Variants in APBB2 observed in about 807,000 individuals in gnomAD.
The protein encoded by APBB2 is amyloid beta precursor protein binding family B member 2, also known as Fe65-like 1.
In APBB2, 38 loss-of-function variants were observed where a neutral mutation model predicts 82.5. The observed-to-expected ratio is 0.46, with a 90% CI of 0.36 to 0.60. APBB2 has a LOEUF of 0.60. Ranked by LOEUF, APBB2 falls within the 20% of genes least tolerant of loss-of-function variation. APBB2 has a pLI of 0.00. For missense variants in APBB2, 772 were observed against 972.3 expected (o/e 0.79, Z 2.74); for synonymous variants, 341 against 368.2 (o/e 0.93, Z 0.85).
At position 41,198,076 on chromosome 4, in the gene APBB2, A is replaced by C; in HGVS notation, c.-417+16329T>G. On this transcript the variant is annotated intron_variant, in intron 1 of 17. Coordinates refer to ENST00000508593, the MANE Select transcript of APBB2 (RefSeq NM_004307.2). ...CCATTTTGCAGATGTGGAGGTAGAG[A>C]AATAATTCAAAAATTCTATCACTCC... is the stretch of plus-strand genomic sequence containing the variant. 8.8e-3 allele frequency among the ~76,000 whole-genome samples: 1,345 copies of C among 152,316 alleles called. 18 individuals carry two copies. Among genetic ancestry groups the C allele is most frequent in the African/African-American group, 0.03 (1,257 of 41,552 alleles).
intron 1 of APBB2, among the ~76,000 whole-genome samples, chr4:41,148,808 T>A (rs1761473583): frequency 6.6e-6 from 1 of 152,216 alleles, no homozygotes; most frequent in East Asian, 1.9e-4. Flanking sequence ...ATGTATCAGG[T>A]ACCATTCTAG....
Position 41,159,961 on chromosome 4 carries a change from G to GAGAAGAAGAAGAAGAAGAAGA in APBB2, c.-416-16840_-416-16820dup, listed in dbSNP as rs1161043741. ...GGAGGAGGAGAAGGAGAAGGAGAAG[G>GAGAAGAAGAAGAAGAAGAAGA]AGAAGAAGAAGAAGAAGAAGAAGAA... On this transcript the variant is annotated intron_variant, in intron 1 of 17. Coordinates refer to ENST00000508593, the MANE Select transcript of APBB2 (RefSeq NM_004307.2). Among the ~76,000 whole-genome samples the GAGAAGAAGAAGAAGAAGAAGA allele has an allele frequency of 3.6e-3, 115 of 31,988 alleles. 7 individuals are homozygous for GAGAAGAAGAAGAAGAAGAAGA. The highest frequency in any genetic ancestry group is 7.1e-3 in the South Asian group (4 of 564). 21.0% of individuals were successfully genotyped at this position (31,988 alleles called of 152,430 possible).
At position 40,826,098 on chromosome 4, in the gene APBB2, T is replaced by C; in HGVS notation, c.1733-128A>G. The C allele has an allele frequency of 1.4e-6, 1 of 720,374 alleles. No individual in the cohort carries two copies. 44.6% of individuals were successfully genotyped at this position (720,374 alleles called of 1,614,324 possible). A position where few individuals can be genotyped will look rare whatever the true frequency, so the allele number is the denominator to read the frequency against. ...CCATAACGCCCTATGTTTCTGGATG[T>C]AAATGTAACAACTATTCTACAAGAG... On this transcript the variant is annotated intron_variant, in intron 14 of 17. Transcript: ENST00000508593. The surrounding 1 kb of genome is among the most constrained non-coding windows in gnomAD (Gnocchi z 4.5).
chr4:41,198,999 AC>A (rs1561016926), intron 1 of APBB2, among the ~76,000 whole-genome samples: 2 of 152,304 alleles, frequency 1.3e-5, no homozygotes, highest in East Asian at 3.9e-4. Context: ...CAAAACAAAA[AC>A]AAATTTCCCT....
At chr4:41,049,335 A>T (rs1191197952) in intron 4 of APBB2, among the ~76,000 whole-genome samples, 1 of 88,124 alleles carries the variant, frequency 1.1e-5, no homozygotes, top group Non-Finnish European at 2.3e-5. Flanking sequence ...AGAAGTGAGG[A>T]GCGTCTCCGA....
intron 5 of APBB2, among the ~76,000 whole-genome samples, chr4:41,028,219 A>G (rs1238183595): frequency 1.3e-5 from 2 of 152,238 alleles, no homozygotes. Flanking sequence ...CAAAACCAAC[A>G]AAGTAAAGAT....
chr4:40,982,405 G>GA lies in APBB2; in HGVS notation c.835+31177dup, dbSNP rs1799240321. ...AAGGAAGGAAGGAAAGGAAAGGAAA[G>GA]AAAGAAAGAAAGAAAGAAAGAAAGA... On this transcript the variant is annotated intron_variant, in intron 6 of 17. Transcript: ENST00000508593. 4.0e-5 allele frequency among the ~76,000 whole-genome samples: 3 copies of GA among 74,792 alleles called. 1 individual carries two copies. The highest frequency in any genetic ancestry group is 1.4e-4 in the African/African-American group (2 of 14,338). 49.1% of individuals were successfully genotyped at this position (74,792 alleles called of 152,430 possible).
intron 6 of APBB2, among the ~76,000 whole-genome samples, chr4:40,955,560 C>G (rs1791388282): frequency 6.6e-6 from 1 of 152,176 alleles, no homozygotes. Flanking sequence ...CTCTTTGGAG[C>G]AATGTTATTC....
At chr4:41,177,446 C>T (rs1770135622) in intron 1 of APBB2, 1 of 152,098 alleles carries the variant, frequency 6.6e-6, no homozygotes, top group African/African-American at 2.4e-5. Flanking sequence ...AAATATTTTG[C>T]TTTAAAATAG....
chr4:41,155,591 G>A lies in APBB2; in HGVS notation c.-416-12449C>T, dbSNP rs185730126. Among the ~76,000 whole-genome samples the A allele has an allele frequency of 2.5e-4, 38 of 152,304 alleles. 1 individual carries two copies. In the East Asian group the frequency reaches 4.0e-3, roughly 16 times the overall value. ...AAGGAGGACGAATAAGAGAGAATCC[G>A]AAAGACACACTACCCAGACAGACTA... On this transcript the variant is annotated intron_variant, in intron 1 of 17. Transcript: ENST00000508593.
chr4:41,165,796 C>T (rs1447576432), intron 1 of APBB2, among the ~76,000 whole-genome samples: 1 of 152,054 alleles, frequency 6.6e-6, no homozygotes, highest in Non-Finnish European at 1.5e-5. Context: ...AGATAAGACA[C>T]TGAAGCAAGT....
At chr4:40,881,777 G>A (rs552251418) in intron 12 of APBB2, among the ~76,000 whole-genome samples, 3 of 151,812 alleles carry the variant, frequency 2.0e-5, no homozygotes, top group East Asian at 1.9e-4. Flanking sequence ...CAAGTGATCC[G>A]CCTGCCTCGG....
chr4:41,167,424 C>T (rs1280347487), intron 1 of APBB2, among the ~76,000 whole-genome samples: 1 of 152,142 alleles, frequency 6.6e-6, no homozygotes, highest in African/African-American at 2.4e-5. Context: ...CACAACAACC[C>T]CCAAGAGTGA....
chr4:40,977,247 G>A (rs1456870067), intron 6 of APBB2, among the ~76,000 whole-genome samples: 1 of 151,958 alleles, frequency 6.6e-6, no homozygotes, highest in Non-Finnish European at 1.5e-5. Context: ...AAGCATGTAG[G>A]TGTCTTTTAT....
Position 40,816,273 on chromosome 4 carries a change from A to G in APBB2, c.2113-14T>C. 3.7e-6 allele frequency: 6 copies of G among 1,613,950 alleles called. No individual in the cohort carries two copies. The highest frequency in any genetic ancestry group is 5.1e-6 in the Non-Finnish European group (6 of 1,179,792). On this transcript the variant is annotated splice_polypyrimidine_tract_variant and intron_variant, in intron 17 of 17. Coordinates refer to ENST00000508593, the MANE Select transcript of APBB2 (RefSeq NM_004307.2). ...CTGATATCGTAACTGAAATAAAACA[A>G]AACGTGTTTTAAGGTAATTAACAAC...
rs746017046 is a variant in APBB2 at position 40,821,949 on chromosome 4, G to A, written c.2034C>T (p.Asn678=). The change falls in exon 17 of 18, where the codon AAC becomes AAT. Residue 678 remains asparagine, a synonymous_variant. Coordinates refer to ENST00000508593, the MANE Select transcript of APBB2 (RefSeq NM_004307.2). ...HTFAFIMDTG[N]QRFECHVFWC... ...AGAAAACGTGGCACTCAAAGCGCTG[G>A]TTCCCCGTGTCCATGATGAAGGCAA... 1.2e-5 allele frequency: 20 copies of A among 1,614,044 alleles called. No homozygotes were observed. The East Asian group carries it at 4.0e-4, about 32-fold the overall frequency.
chr4:41,080,997 C>T (rs1737412829), intron 3 of APBB2, among the ~76,000 whole-genome samples: 1 of 152,184 alleles, frequency 6.6e-6, no homozygotes, highest in Admixed American at 6.5e-5. Flanking sequence ...GGTGATCCAC[C>T]TGCCTCGGCC....
At chr4:40,866,247 C>T (rs1436742088) in intron 12 of APBB2, among the ~76,000 whole-genome samples, 1 of 151,932 alleles carries the variant, frequency 6.6e-6, no homozygotes, top group African/African-American at 2.4e-5. Context: ...CCTCAGTTTT[C>T]CATGTTCACA....
At chr4:40,890,517 G>C (rs1771690043) in intron 11 of APBB2, 26 bp from the exon 12 acceptor site, 19 of 1,612,532 alleles carry the variant, frequency 1.2e-5, no homozygotes, top group Non-Finnish European at 1.5e-5. Flanking sequence ...AAAACACGCT[G>C]TCTTCTTCAT....
Sources: allele counts gnomAD v4.1 joint callset (sites outside exome capture counted in the v4.1 genomes callset), GRCh38; gene constraint gnomAD v4.1.1; non-coding constraint Gnocchi (gnomAD v3.1); transcripts MANE v1.5; gene names NCBI Gene and HGNC (gene_info 2026-07-23, HGNC 2026-07-21).